PBX1: variants seen among roughly 807,000 people sequenced by gnomAD.
PBX1 encodes pre-B-cell leukemia transcription factor 1.
PBX1 carries 6 observed loss-of-function variants against 53.4 expected under a neutral mutation model. The observed-to-expected ratio is 0.11, with a 90% confidence interval of 0.06 to 0.22. PBX1 has a LOEUF of 0.22. Ranked by LOEUF, PBX1 falls within the 10% of genes least tolerant of loss-of-function variation. The pLI is 1.00. For synonymous variants in PBX1, 204 were observed against 212.3 expected, an observed-to-expected ratio of 0.96 and a Z score of 0.34; for missense variants, 251 against 551.4, an observed-to-expected ratio of 0.46 and a Z score of 5.46.
At position 164,750,338 on chromosome 1, in the gene PBX1, A is replaced by G. The variant is rs1433838678; in HGVS notation, c.266-42156A>G. On this transcript the variant is annotated intron_variant, in intron 2 of 8. Transcript: ENST00000420696. ...GAGGGTAAAAATATACAGATAAACT[A>G]TATCATTTATGATTCTGATACGGCT... Among the ~76,000 whole-genome samples the G allele has an allele frequency of 3.3e-5, 5 of 152,186 alleles. No homozygotes were observed. In the East Asian group the frequency reaches 5.8e-4, roughly 18 times the overall value.
At chr1:164,842,567 G>A (rs1671355124) in intron 8 of PBX1, among the ~76,000 whole-genome samples, 1 of 152,098 alleles carries the variant, frequency 6.6e-6, no homozygotes, top group African/African-American at 2.4e-5. Context: ...CTCTCTTGGT[G>A]AGCTCCAGGT....
chr1:164,865,000 C>T (rs182502373), intron 2 of PBX1, among the ~76,000 whole-genome samples: 3 of 152,314 alleles, frequency 2.0e-5, no homozygotes, highest in Admixed American at 2.0e-4. Flanking sequence ...GGGGGATTGC[C>T]ATCTGATGGC....
intron 2 of PBX1, among the ~76,000 whole-genome samples, chr1:164,610,503 A>T (rs1216219533): frequency 2.0e-5 from 3 of 152,258 alleles, no homozygotes; most frequent in South Asian, 4.2e-4. Flanking sequence ...TAGTGAATTA[A>T]GCCAGGAAGG....
intron 3 of PBX1, among the ~76,000 whole-genome samples, chr1:164,798,479 G>A (rs1668898862): frequency 6.6e-6 from 1 of 152,226 alleles, no homozygotes; most frequent in African/African-American, 2.4e-5. Flanking sequence ...CTAAGTCATA[G>A]TAACTAAAAG....
chr1:164,752,339 C>T (rs1384007641), intron 2 of PBX1, among the ~76,000 whole-genome samples: 1 of 151,802 alleles, frequency 6.6e-6, no homozygotes, highest in East Asian at 1.9e-4. Context: ...GGTGCCATGG[C>T]AAGTGCATTT....
intron 2 of PBX1, among the ~76,000 whole-genome samples, chr1:164,678,907 G>A (rs986869764): frequency 6.6e-6 from 1 of 152,098 alleles, no homozygotes; most frequent in Non-Finnish European, 1.5e-5. Flanking sequence ...GCAAGAAGGA[G>A]GAGCTCTAAG....
At chr1:164,725,728 A>G (rs1664665544) in intron 2 of PBX1, among the ~76,000 whole-genome samples, 1 of 152,142 alleles carries the variant, frequency 6.6e-6, no homozygotes, top group African/African-American at 2.4e-5. Context: ...GGCAAAAATT[A>G]TGCTCCTATA....
chr1:164,826,633 G>C (rs1410306050), intron 8 of PBX1, among the ~76,000 whole-genome samples: 8 of 152,122 alleles, frequency 5.3e-5, no homozygotes. Context: ...TCAAACTCCT[G>C]ACCTCAAGTG....
intron 2 of PBX1, among the ~76,000 whole-genome samples, chr1:164,687,844 A>C (rs1445181762): frequency 6.6e-6 from 1 of 152,172 alleles, no homozygotes; most frequent in South Asian, 2.1e-4. Flanking sequence ...TGGACTTAGC[A>C]CTCACTTAAA....
At chr1:164,885,501 C>T (rs1014186465) in intron 2 of PBX1, among the ~76,000 whole-genome samples, 1 of 152,186 alleles carries the variant, frequency 6.6e-6, no homozygotes, top group Non-Finnish European at 1.5e-5. Flanking sequence ...TTTGTGTCAT[C>T]ATCCATAGTA....
At chr1:164,827,416 G>T (rs987999712) in intron 8 of PBX1, among the ~76,000 whole-genome samples, 1 of 152,180 alleles carries the variant, frequency 6.6e-6, no homozygotes, top group African/African-American at 2.4e-5. Context: ...CCAGGAACTA[G>T]TGAACAGCCC....
At chr1:164,658,024 C>G (rs1421151710) in intron 2 of PBX1, among the ~76,000 whole-genome samples, 1 of 152,104 alleles carries the variant, frequency 6.6e-6, no homozygotes. Context: ...CAGGCAGATT[C>G]TGGGGGACTG....
chr1:164,679,663 G>T (rs1008109968), intron 2 of PBX1, among the ~76,000 whole-genome samples: 2 of 152,140 alleles, frequency 1.3e-5, no homozygotes, highest in Non-Finnish European at 2.9e-5. Context: ...AAGACAGGTT[G>T]TATTCATTTA....
In PBX1 at chr1:164,846,675, G is replaced by C; in HGVS notation, c.1292G>C (p.Ter431SerextTer27). 1 of 1,614,072 alleles carries C rather than the reference G, an allele frequency of 6.2e-7. No homozygotes were observed. Among genetic ancestry groups the C allele is most frequent in the Non-Finnish European group, 8.5e-7 (1 of 1,179,958 alleles). ...PGSVHSDTSN[*>S] ...AGTGTTCACTCTGATACCTCCAACT[G>C]ATCTCCCAGCAATCGCATCCCGGCT... Residue 431 changes from the stop codon to serine, a stop_lost, in exon 9 of 9, where the codon TGA (stop) becomes TCA (serine). Coordinates refer to ENST00000420696, the MANE Select transcript of PBX1 (RefSeq NM_002585.4).
At chr1:164,808,657 C>G (rs1401948586) in intron 5 of PBX1, among the ~76,000 whole-genome samples, 2 of 152,088 alleles carry the variant, frequency 1.3e-5, no homozygotes, top group Non-Finnish European at 2.9e-5. Flanking sequence ...GAATTGAATC[C>G]TGACTTCTGT....
At chr1:164,585,292 T>A (rs544396710) in intron 2 of PBX1, among the ~76,000 whole-genome samples, 1 of 152,344 alleles carries the variant, frequency 6.6e-6, no homozygotes, top group Non-Finnish European at 1.5e-5. Context: ...GTCTGTGATA[T>A]CTCAAACTTG....
At chr1:164,621,998 G>A (rs1414669692) in intron 2 of PBX1, among the ~76,000 whole-genome samples, 1 of 152,176 alleles carries the variant, frequency 6.6e-6, no homozygotes, top group African/African-American at 2.4e-5. Context: ...GATGTGTCAA[G>A]TCAGGTGTCA....
At chr1:164,633,074 C>G (rs1658510933) in intron 2 of PBX1, among the ~76,000 whole-genome samples, 1 of 152,162 alleles carries the variant, frequency 6.6e-6, no homozygotes, top group East Asian at 1.9e-4. Flanking sequence ...TCCACCATAA[C>G]ATCCTCAATG....
rs148090230 is a variant in PBX1, at chr1:164,857,109, G to A, written n.257+25626G>A. ...AGCTTCAGACTCCTAAGGTTTAAGG[G>A]CTCAGTCCCACAAGCCTGCCCTCAC... On this transcript the variant is annotated intron_variant and non_coding_transcript_variant, in intron 2 of 2. Coordinates refer to the PBX1 transcript ENST00000558796. 7.1e-3 allele frequency among the ~76,000 whole-genome samples: 1,084 copies of A among 152,190 alleles called. 7 individuals are homozygous for A. Among genetic ancestry groups the A allele is most frequent in the African/African-American group, 0.025 (1,046 of 41,534 alleles).
Sources: allele counts gnomAD v4.1 joint callset (sites outside exome capture counted in the v4.1 genomes callset), GRCh38; gene constraint gnomAD v4.1.1; transcripts MANE v1.5; gene names NCBI Gene and HGNC (gene_info 2026-07-23, HGNC 2026-07-21).